The following IGSF11 variants were observed in gnomAD, a reference collection of about 807,000 sequenced individuals.
IGSF11 encodes the protein CXADR like 1.
In IGSF11, 22 loss-of-function variants were observed where a neutral mutation model predicts 41.0. That is an observed-to-expected ratio of 0.54 (90% CI 0.38 to 0.77). The LOEUF (loss-of-function observed/expected upper bound fraction) is 0.77. Among genes scored for constraint, IGSF11 ranks in the 30% least tolerant of loss-of-function variants. The probability of loss-of-function intolerance (pLI) is 0.00; values close to 1 mark genes in which losing one functional copy is unlikely to be tolerated. For missense variants in IGSF11, 444 were observed against 530.8 expected, an observed-to-expected ratio of 0.84 and a Z score of 1.61; for synonymous variants, 219 against 201.3, an observed-to-expected ratio of 1.09 and a Z score of -0.74.
At chr3:119,073,826 G>A (rs927169793) in intron 1 of IGSF11, among the ~76,000 whole-genome samples, 2 of 152,330 alleles carry the variant, frequency 1.3e-5, no homozygotes, top group Admixed American at 1.3e-4. Context: ...TCCCGCCTCA[G>A]CCAGTCCGGA....
chr3:119,109,784 G>T (rs2077111988), upstream of IGSF11, among the ~76,000 whole-genome samples: 1 of 152,116 alleles, frequency 6.6e-6, no homozygotes, highest in Non-Finnish European at 1.5e-5. Flanking sequence ...ATTCTGGTAT[G>T]TTGTGTCTTT....
intron 1 of IGSF11, among the ~76,000 whole-genome samples, chr3:119,028,317 C>T (rs917160728): frequency 6.6e-6 from 1 of 152,122 alleles, no homozygotes; most frequent in African/African-American, 2.4e-5. Context: ...CCAAACTCCC[C>T]CAACATAAGG....
intron 1 of IGSF11, among the ~76,000 whole-genome samples, chr3:119,100,964 AT>A (rs202143894): frequency 0.018 from 2,767 of 152,302 alleles, 35 homozygotes; most frequent in Non-Finnish European, 0.028. Context: ...AGTATATCCC[AT>A]CTTGTGGAAT....
rs749090088 is a variant in IGSF11 at position 118,928,614 on chromosome 3, T to C, written c.319A>G (p.Ile107Val). Residue 107 changes from isoleucine (I) to valine (V), a missense_variant, in exon 3 of 7, where the codon ATT becomes GTT. Transcript: ENST00000393775. ...GTGTCTGATAACTGAGTGTTATTAA[T>C]GAAGATAGAGACATTGGTAGCTGGC... ...TMPATNVSIF[I>V]NNTQLSDTGT... 8.7e-6 allele frequency: 14 copies of C among 1,614,076 alleles called. No individual in the cohort carries two copies. In the South Asian group the frequency reaches 1.5e-4, roughly 18 times the overall value.
chr3:118,938,971 A>G (rs1943480397), intron 1 of IGSF11, among the ~76,000 whole-genome samples: 1 of 152,232 alleles, frequency 6.6e-6, no homozygotes, highest in South Asian at 2.1e-4. Flanking sequence ...AGAAAAAGTG[A>G]AAAACCTGCA....
chr3:119,085,733 A>C (rs1414011036), intron 1 of IGSF11, among the ~76,000 whole-genome samples: 4 of 152,378 alleles, frequency 2.6e-5, no homozygotes, highest in African/African-American at 7.2e-5. Context: ...CTTCATTAAA[A>C]GAATGTAATA....
At chr3:118,961,959 C>T (rs1332221408) in intron 1 of IGSF11, among the ~76,000 whole-genome samples, 1 of 152,020 alleles carries the variant, frequency 6.6e-6, no homozygotes, top group Non-Finnish European at 1.5e-5. Context: ...TGTGGTATGC[C>T]CCATGAAAGT....
chr3:118,997,526 GCCCCCCCCCAGCCACACCAC>G (rs1936387013), intron 1 of IGSF11, among the ~76,000 whole-genome samples: 1 of 145,304 alleles, frequency 6.9e-6, no homozygotes, highest in Non-Finnish European at 1.5e-5. Flanking sequence ...CACCTCTGCT[GCCCCCCCCCAGCCACACCAC>G]CCCCCTCCCC....
intron 1 of IGSF11, among the ~76,000 whole-genome samples, chr3:119,133,178 A>T (rs930689376): frequency 6.6e-6 from 1 of 152,160 alleles, no homozygotes; most frequent in Non-Finnish European, 1.5e-5. Context: ...AGAGCAAACA[A>T]ATTCAAAAGC....
chr3:119,122,982 A>T (rs900814928), intron 1 of IGSF11, among the ~76,000 whole-genome samples: 9 of 152,268 alleles, frequency 5.9e-5, no homozygotes, highest in African/African-American at 2.2e-4. Context: ...AGTAAAGGGG[A>T]CTTTGGCTTG....
chr3:118,910,203 C>G (rs1183601145), intron 4 of IGSF11, among the ~76,000 whole-genome samples: 1 of 152,144 alleles, frequency 6.6e-6, no homozygotes, highest in African/African-American at 2.4e-5. Flanking sequence ...ACATGGTGTT[C>G]AAGAAATGTT....
At chr3:119,113,651 G>C (rs2077215689) in intron 1 of IGSF11, among the ~76,000 whole-genome samples, 1 of 152,208 alleles carries the variant, frequency 6.6e-6, no homozygotes, top group East Asian at 1.9e-4. Flanking sequence ...GCTTTTCTAG[G>C]CACATGGTGC....
upstream of IGSF11, among the ~76,000 whole-genome samples, chr3:119,109,198 G>A (rs1201803827): frequency 4.2e-5 from 6 of 144,246 alleles, no homozygotes; most frequent in East Asian, 4.0e-4. Flanking sequence ...GGTAGAATTC[G>A]GCTGTGAATC....
At chr3:118,912,418 G>T (rs1179541351) in intron 4 of IGSF11, among the ~76,000 whole-genome samples, 1 of 152,112 alleles carries the variant, frequency 6.6e-6, no homozygotes, top group African/African-American at 2.4e-5. Context: ...GCTAGCTCCA[G>T]CCCTGGATTT....
At chr3:118,960,473 T>C (rs1205582109) in intron 1 of IGSF11, among the ~76,000 whole-genome samples, 1 of 152,236 alleles carries the variant, frequency 6.6e-6, no homozygotes, top group Non-Finnish European at 1.5e-5. Flanking sequence ...TTTTATCATA[T>C]ACGTATGTAT....
At chr3:119,007,427 C>T (rs1272872818) in intron 1 of IGSF11, among the ~76,000 whole-genome samples, 5 of 151,562 alleles carry the variant, frequency 3.3e-5, no homozygotes, top group East Asian at 1.9e-4. Flanking sequence ...CCGTCTTCTG[C>T]GTCGCTCACG....
intron 1 of IGSF11, among the ~76,000 whole-genome samples, chr3:119,111,441 T>C (rs1334593368): frequency 6.6e-6 from 1 of 152,232 alleles, no homozygotes; most frequent in African/African-American, 2.4e-5. Context: ...TTCAGCTCCA[T>C]CAGTTCCTTT....
At chr3:119,047,915 T>G (rs960791547) in intron 1 of IGSF11, among the ~76,000 whole-genome samples, 1 of 151,972 alleles carries the variant, frequency 6.6e-6, no homozygotes, top group African/African-American at 2.4e-5. Flanking sequence ...CATAACGAAA[T>G]GAAGGCAGAA....
chr3:118,913,933 A>G (rs886310863), intron 4 of IGSF11, among the ~76,000 whole-genome samples: 2 of 152,224 alleles, frequency 1.3e-5, no homozygotes, highest in African/African-American at 4.8e-5. Flanking sequence ...CTGAATGAAA[A>G]GGTCCAAAAA....
Sources: gnomAD v4.1 joint callset for allele counts (sites outside exome capture counted in the v4.1 genomes callset) on GRCh38, gnomAD v4.1.1 for gene constraint, MANE v1.5 for transcripts, NCBI Gene and HGNC (gene_info 2026-07-23, HGNC 2026-07-21) for gene names.